RNF217: variants seen among roughly 807,000 people sequenced by gnomAD.
RNF217 encodes ring finger protein 217.
RNF217 carries 31 observed loss-of-function variants against 57.8 expected under a neutral mutation model. The observed-to-expected ratio is 0.54, with a 90% CI of 0.40 to 0.72. The LOEUF is 0.72. Among genes scored for constraint, RNF217 ranks in the 30% least tolerant of loss-of-function variants. The pLI, the probability that RNF217 is intolerant of heterozygous loss-of-function variation, is 0.00. For synonymous variants in RNF217, 313 were observed against 294.0 expected, an observed-to-expected ratio of 1.06 and a Z score of -0.66; for missense variants, 696 against 708.3, an observed-to-expected ratio of 0.98 and a Z score of 0.20.
At chr6:125,032,207 C>T (rs1260935919) in intron 1 of RNF217, among the ~76,000 whole-genome samples, 1 of 152,116 alleles carries the variant, frequency 6.6e-6, no homozygotes, top group Non-Finnish European at 1.5e-5. Context: ...ATATCAGCTG[C>T]TTTCTCCACT....
chr6:125,084,504 C>T lies in RNF217; in HGVS notation c.*1567C>T, dbSNP rs1788713162. ...AGATGTACATTTATTTGTCAGCAACCTTGTCTGATTTGAAATAGATGATAT... is the reference window on the plus strand; with the variant it reads ...AGATGTACATTTATTTGTCAGCAACTTTGTCTGATTTGAAATAGATGATAT... On this transcript the variant is annotated 3_prime_UTR_variant, in exon 6 of 6. Coordinates refer to ENST00000521654, the MANE Select transcript of RNF217 (RefSeq NM_001286398.3). 6.6e-6 allele frequency: 1 copy of T among 151,898 alleles called. No homozygotes were observed. Among genetic ancestry groups the T allele is most frequent in the Non-Finnish European group, 1.5e-5 (1 of 67,884 alleles). The allele number at this position is 151,898 out of a possible 1,614,324, so 9.4% of individuals were successfully genotyped here.
chr6:125,028,187 CAGATAT>C (rs1786191184), intron 1 of RNF217, among the ~76,000 whole-genome samples: 1 of 151,930 alleles, frequency 6.6e-6, no homozygotes, highest in South Asian at 2.1e-4. Context: ...TTCTTAATGC[CAGATAT>C]AGTTTGTTAG....
intron 2 of RNF217, among the ~76,000 whole-genome samples, chr6:125,052,092 C>T (rs939097583): frequency 1.3e-5 from 2 of 152,088 alleles, no homozygotes; most frequent in African/African-American, 4.8e-5. Flanking sequence ...AACCCCCATT[C>T]TCAAGTTCAG....
chr6:125,071,112 AAAC>A (rs1398630032), intron 3 of RNF217, among the ~76,000 whole-genome samples: 2 of 152,172 alleles, frequency 1.3e-5, no homozygotes, highest in Non-Finnish European at 2.9e-5. Context: ...AATTAAATGT[AAAC>A]AACTTGAGGA....
chr6:125,022,138 T>C (rs1251200874), intron 1 of RNF217, among the ~76,000 whole-genome samples: 4 of 152,152 alleles, frequency 2.6e-5, no homozygotes, highest in African/African-American at 9.7e-5. Flanking sequence ...TACCTTGGCC[T>C]CCCAAAGTGC....
chr6:125,071,784 G>T (rs1241070070), intron 3 of RNF217, among the ~76,000 whole-genome samples: 3 of 152,108 alleles, frequency 2.0e-5, no homozygotes, highest in Non-Finnish European at 4.4e-5. Context: ...AAGAAACTAT[G>T]AGTACTAACA....
intron 2 of RNF217, among the ~76,000 whole-genome samples, chr6:125,055,543 G>A (rs7767722): frequency 0.011 from 1,634 of 152,254 alleles, 22 homozygotes; most frequent in African/African-American, 0.033. Flanking sequence ...GAGCGAATCC[G>A]AGTTTCAAAG....
intron 3 of RNF217, among the ~76,000 whole-genome samples, chr6:125,058,554 T>A (rs1171758816): frequency 6.6e-6 from 1 of 152,212 alleles, no homozygotes; most frequent in Non-Finnish European, 1.5e-5. Context: ...TAAATTGAAC[T>A]GATTGTTTTG....
Position 124,962,583 on chromosome 6 carries a change from G to T in RNF217, c.39G>T (p.Gly13=), listed in dbSNP as rs1271113568. The part of the protein sequence containing the change: ...EEQSTVSGGG[G]PQESQTLASG... ...AGAGCACGGTGAGCGGCGGCGGCGG[G>T]CCCCAGGAGTCGCAGACCCTGGCCA... The change falls in exon 1 of 6, where the codon GGG becomes GGT. Residue 13 remains glycine (G), a synonymous_variant. Transcript: ENST00000521654. This position sits in a 1 kb window ranked among gnomAD's most constrained non-coding sequence, Gnocchi z 4.6. 7.8e-6 allele frequency: 10 copies of T among 1,274,808 alleles called. No homozygotes were observed. Among genetic ancestry groups the T allele is most frequent in the African/African-American group, 1.6e-5 (1 of 63,934 alleles). 79.0% of individuals were successfully genotyped at this position (1,274,808 alleles called of 1,614,324 possible).
chr6:125,034,123 A>T (rs1582733891), intron 1 of RNF217, among the ~76,000 whole-genome samples: 1 of 151,904 alleles, frequency 6.6e-6, no homozygotes, highest in East Asian at 1.9e-4. Flanking sequence ...AGGTTGCGAA[A>T]ATTTTCTCCC....
At chr6:125,007,803 A>G (rs1214208364) in intron 1 of RNF217, among the ~76,000 whole-genome samples, 1 of 152,168 alleles carries the variant, frequency 6.6e-6, no homozygotes, top group Non-Finnish European at 1.5e-5. Context: ...ATACATTCCA[A>G]GACTCCCAGT....
At position 124,976,703 on chromosome 6, in the gene RNF217, C is replaced by T. The variant is rs576429317; in HGVS notation, c.882+13277C>T. Among the ~76,000 whole-genome samples, 4 of 152,158 alleles carry T rather than the reference C, an allele frequency of 2.6e-5. No individual in the cohort carries two copies. The East Asian group carries it at 7.7e-4, about 29-fold the overall frequency. Reference sequence around the variant, plus strand: ...TGCTTTTTCTAGAGATGGGGTTTCACCATGTTGACCAGGCTGGTTTTGAAC... The same window carrying T: ...TGCTTTTTCTAGAGATGGGGTTTCATCATGTTGACCAGGCTGGTTTTGAAC... On this transcript the variant is annotated intron_variant, in intron 1 of 5. Coordinates refer to ENST00000521654, the MANE Select transcript of RNF217 (RefSeq NM_001286398.3).
intron 2 of RNF217, among the ~76,000 whole-genome samples, chr6:125,047,725 A>T (rs1237661384): frequency 6.6e-6 from 1 of 152,052 alleles, no homozygotes; most frequent in South Asian, 2.1e-4. Flanking sequence ...AACTCAATTG[A>T]TTCCTTTTGA....
In RNF217 at chr6:124,998,263, T is replaced by A. The variant is rs145233874; in HGVS notation, c.882+34837T>A. Among the ~76,000 whole-genome samples the A allele has an allele frequency of 3.4e-3, 517 of 152,282 alleles. 2 individuals carry two copies. Among genetic ancestry groups the A allele is most frequent in the African/African-American group, 0.012 (493 of 41,552 alleles). ...TCCTATCCCATGGATTCACCTTGTA[T>A]GTCATTTACATTTGCCTTTTTTCTT... On this transcript the variant is annotated intron_variant, in intron 1 of 5. Coordinates refer to ENST00000521654, the MANE Select transcript of RNF217 (RefSeq NM_001286398.3).
intron 2 of RNF217, among the ~76,000 whole-genome samples, chr6:125,055,843 G>A (rs7768186): frequency 0.011 from 1,635 of 152,178 alleles, 22 homozygotes; most frequent in African/African-American, 0.033. Context: ...GCAAATGGAA[G>A]TAAACATTTT....
At chr6:124,963,558 C>T (rs1286263586) in intron 1 of RNF217, 132 bp downstream of exon 1, 7 of 1,115,280 alleles carry the variant, frequency 6.3e-6, no homozygotes, top group African/African-American at 1.6e-5. Context: ...GTTAGTTTCT[C>T]ACGTCTCAGT....
At chr6:125,018,584 G>GA (rs1199382370) in intron 1 of RNF217, among the ~76,000 whole-genome samples, 3 of 151,318 alleles carry the variant, frequency 2.0e-5, no homozygotes, top group Admixed American at 6.6e-5. Flanking sequence ...TATTTTTAGG[G>GA]AAAAAAAAGG....
intron 1 of RNF217, among the ~76,000 whole-genome samples, chr6:125,030,871 C>T (rs953582104): frequency 1.3e-4 from 20 of 152,124 alleles, no homozygotes; most frequent in Admixed American, 7.9e-4. Context: ...GTAGGGTCTC[C>T]GACCCCACAT....
chr6:125,041,721 A>G (rs1219244205), intron 1 of RNF217, among the ~76,000 whole-genome samples: 1 of 152,110 alleles, frequency 6.6e-6, no homozygotes, highest in African/African-American at 2.4e-5. Flanking sequence ...GTTCATTCAT[A>G]ACACAGGTTA....
Sources: allele counts gnomAD v4.1 joint callset (sites outside exome capture counted in the v4.1 genomes callset), GRCh38; gene constraint gnomAD v4.1.1; non-coding constraint Gnocchi (gnomAD v3.1); transcripts MANE v1.5; gene names NCBI Gene and HGNC (gene_info 2026-07-23, HGNC 2026-07-21).